FHOD3: variants seen among roughly 807,000 people sequenced by gnomAD.
FHOD3 encodes formin homology 2 domain containing 3, also known as FH1/FH2 domain-containing protein 3.
FHOD3 carries 90 observed loss-of-function variants against 173.0 expected under a neutral mutation model. That is an observed-to-expected ratio of 0.52 (90% CI 0.44 to 0.62). The LOEUF (loss-of-function observed/expected upper bound fraction) is 0.62, where lower values mean the gene tolerates loss of function less well. Ranked by LOEUF, FHOD3 falls within the 20% of genes least tolerant of loss-of-function variation. FHOD3 has a pLI of 0.00. For missense variants in FHOD3, 1,945 were observed against 2,034.7 expected, an observed-to-expected ratio of 0.96 and a Z score of 0.85; for synonymous variants, 828 against 823.0, an observed-to-expected ratio of 1.01 and a Z score of -0.10.
intron 5 of FHOD3, among the ~76,000 whole-genome samples, chr18:36,542,144 T>A (rs1282443980): frequency 6.6e-6 from 1 of 152,206 alleles, no homozygotes; most frequent in Non-Finnish European, 1.5e-5. Context: ...CTTTAATGTG[T>A]TCCTTACAGC....
chr18:36,322,983 T>C (rs57160670), intron 1 of FHOD3, among the ~76,000 whole-genome samples: 20,988 of 152,202 alleles, frequency 0.14, 3,872 homozygotes, highest in African/African-American at 0.42. Context: ...GCTGCCTGTT[T>C]TATGCAGCAT....
At chr18:36,427,611 G>A (rs1046569167) in intron 3 of FHOD3, among the ~76,000 whole-genome samples, 6 of 152,176 alleles carry the variant, frequency 3.9e-5, no homozygotes, top group Non-Finnish European at 5.9e-5. Context: ...TCACTCTTGC[G>A]GATTTAATAA....
intron 8 of FHOD3, among the ~76,000 whole-genome samples, chr18:36,603,650 C>G (rs933574509): frequency 2.0e-5 from 3 of 151,838 alleles, no homozygotes; most frequent in Admixed American, 2.0e-4. Context: ...ATTACAGGCA[C>G]GTGCCACCAT....
At chr18:36,683,955 G>A (rs963076253) in intron 15 of FHOD3, among the ~76,000 whole-genome samples, 2 of 152,186 alleles carry the variant, frequency 1.3e-5, no homozygotes. Context: ...TCTGGCTGGA[G>A]GACCATAAAA....
intron 5 of FHOD3, among the ~76,000 whole-genome samples, chr18:36,553,066 A>G (rs190823958): frequency 0.03 from 4,607 of 152,236 alleles, 137 homozygotes; most frequent in Non-Finnish European, 0.04. Flanking sequence ...TTCTGCATCT[A>G]TTGAGATAAT....
At chr18:36,421,798 G>C (rs2049998650) in intron 3 of FHOD3, among the ~76,000 whole-genome samples, 1 of 152,194 alleles carries the variant, frequency 6.6e-6, no homozygotes, top group South Asian at 2.1e-4. Context: ...GTCCATGCTG[G>C]TTCCTGGGTG....
chr18:36,312,114 T>C (rs962629933), intron 1 of FHOD3, among the ~76,000 whole-genome samples: 6 of 152,214 alleles, frequency 3.9e-5, no homozygotes, highest in African/African-American at 1.2e-4. Context: ...AAGGTACTTG[T>C]CTTTAAATCT....
intron 8 of FHOD3, among the ~76,000 whole-genome samples, chr18:36,603,102 C>T (rs1432596751): frequency 6.6e-6 from 1 of 152,212 alleles, no homozygotes; most frequent in Non-Finnish European, 1.5e-5. Flanking sequence ...TCAGGGAAAG[C>T]ATGGCCCTGC....
chr18:36,457,270 G>A (rs2052273505), intron 3 of FHOD3, among the ~76,000 whole-genome samples: 1 of 152,106 alleles, frequency 6.6e-6, no homozygotes, highest in Admixed American at 6.5e-5. Context: ...TGCTGGACTT[G>A]CGTTTTTTAA....
At chr18:36,649,486 C>A in intron 11 of FHOD3, 81 bp downstream of exon 11, 1 of 1,077,858 alleles carries the variant, frequency 9.3e-7, no homozygotes, top group South Asian at 1.5e-5. Flanking sequence ...CTTCTAGTGG[C>A]CACCTCCCTT....
rs138088775 is a variant in FHOD3, at chr18:36,375,280, T to A, written c.337+2536T>A. Among the ~76,000 whole-genome samples, 322 of 152,346 alleles carry A rather than the reference T, an allele frequency of 2.1e-3. 1 individual carries two copies. Among genetic ancestry groups the A allele is most frequent in the African/African-American group, 7.3e-3 (304 of 41,590 alleles). ...CTTTTTCACATCTGTTGTTTTAGTC[T>A]TTGTTTCTTCTCAAGGTTATTTCCC... On this transcript the variant is annotated intron_variant, in intron 3 of 28. Coordinates refer to ENST00000590592, the MANE Select transcript of FHOD3 (RefSeq NM_001281740.3).
intron 24 of FHOD3, 105 bp from the exon 25 acceptor site, chr18:36,755,014 T>G (rs2042568435): frequency 3.9e-6 from 1 of 256,392 alleles, no homozygotes; most frequent in Non-Finnish European, 7.1e-6. Flanking sequence ...TTATTATTAT[T>G]ATTTATTTTA....
chr18:36,341,212 T>G (rs2045603163), intron 1 of FHOD3, among the ~76,000 whole-genome samples: 1 of 152,234 alleles, frequency 6.6e-6, no homozygotes, highest in African/African-American at 2.4e-5. Context: ...GAAGATTAAA[T>G]AATTCATGTT....
chr18:36,325,150 G>A (rs919230389), intron 1 of FHOD3, among the ~76,000 whole-genome samples: 1 of 152,046 alleles, frequency 6.6e-6, no homozygotes. Context: ...AGTCAAGATA[G>A]CAGTTTACCT....
chr18:36,328,098 G>A (rs1362348758), intron 1 of FHOD3, among the ~76,000 whole-genome samples: 2 of 152,186 alleles, frequency 1.3e-5, no homozygotes, highest in African/African-American at 4.8e-5. Context: ...CTCTACTAAT[G>A]TTTGAGAGCT....
rs141445492 is a variant in FHOD3 at position 36,556,319 on chromosome 18, G to T, written c.512-20132G>T. Among the ~76,000 whole-genome samples the T allele has an allele frequency of 1.4e-4, 21 of 152,154 alleles. No homozygotes were observed. The East Asian group carries it at 3.7e-3, about 27-fold the overall frequency. On this transcript the variant is annotated intron_variant, in intron 5 of 28. Coordinates refer to ENST00000590592, the MANE Select transcript of FHOD3 (RefSeq NM_001281740.3). ...TACAGTTGGCCCTCCATATCAGCAGGTTCCTCATCTCCAACCAAACTTGGA... is the reference window on the plus strand; with the variant it reads ...TACAGTTGGCCCTCCATATCAGCAGTTTCCTCATCTCCAACCAAACTTGGA...
rs558810367 is a variant in FHOD3, at chr18:36,565,244, A to T, written c.512-11207A>T. On this transcript the variant is annotated intron_variant, in intron 5 of 28. Coordinates refer to ENST00000590592, the MANE Select transcript of FHOD3 (RefSeq NM_001281740.3). ...TTAGGGGTAGACAAATCCAGTTCAG[A>T]GTTAAGAAGAATGAATTTTAATGGT... Among the ~76,000 whole-genome samples, 8 of 152,344 alleles carry T rather than the reference A, an allele frequency of 5.3e-5. No individual in the cohort carries two copies. The East Asian group carries it at 1.5e-3, about 29-fold the overall frequency.
chr18:36,683,246 T>C (rs1228126357), intron 15 of FHOD3, among the ~76,000 whole-genome samples: 1 of 152,228 alleles, frequency 6.6e-6, no homozygotes, highest in Non-Finnish European at 1.5e-5. Flanking sequence ...TTTATGGTTT[T>C]CTGGGAGATT....
intron 9 of FHOD3, among the ~76,000 whole-genome samples, chr18:36,613,331 C>T (rs1249344844): frequency 6.6e-6 from 1 of 152,172 alleles, no homozygotes. Flanking sequence ...ATCAGGGCTT[C>T]GGACCTTGTT....
Sources: allele counts gnomAD v4.1 joint callset (sites outside exome capture counted in the v4.1 genomes callset), GRCh38; gene constraint gnomAD v4.1.1; transcripts MANE v1.5; gene names NCBI Gene and HGNC (gene_info 2026-07-23, HGNC 2026-07-21).